Variants in PID1 observed in about 807,000 individuals in gnomAD.
PID1 encodes the protein phosphotyrosine interaction domain containing 1.
Under a neutral mutation model 19.1 loss-of-function variants are expected in PID1, and 10 were observed. The ratio of observed to expected loss-of-function variants is 0.52; its 90% CI spans 0.32 to 0.89. The LOEUF (loss-of-function observed/expected upper bound fraction) is 0.89, where lower values mean the gene tolerates loss of function less well. PID1 is among the 40% of genes least tolerant of loss of function. PID1 has a pLI of 0.03. For synonymous variants in PID1, 130 were observed against 116.0 expected (o/e 1.12, Z -0.78); for missense variants, 248 against 285.3 (o/e 0.87, Z 0.94).
chr2:229,244,197 A>T (rs902049567), intron 1 of PID1, among the ~76,000 whole-genome samples: 2 of 152,188 alleles, frequency 1.3e-5, no homozygotes, highest in Non-Finnish European at 2.9e-5. Flanking sequence ...TTTTAATGTG[A>T]CACAAGACAA....
chr2:229,038,665 A>G (rs552213095), intron 2 of PID1, among the ~76,000 whole-genome samples: 1 of 152,362 alleles, frequency 6.6e-6, no homozygotes, highest in Non-Finnish European at 1.5e-5. Flanking sequence ...TGTTACAGAA[A>G]ATAATTTTTG....
intron 2 of PID1, among the ~76,000 whole-genome samples, chr2:229,051,306 T>C (rs1050277361): frequency 6.6e-6 from 1 of 152,174 alleles, no homozygotes; most frequent in South Asian, 2.1e-4. Flanking sequence ...TCCTAAGATA[T>C]CTGATTGTTA....
At chr2:229,043,977 G>A (rs1693824992) in intron 2 of PID1, among the ~76,000 whole-genome samples, 1 of 152,096 alleles carries the variant, frequency 6.6e-6, no homozygotes, top group African/African-American at 2.4e-5. Flanking sequence ...AATTCTCTGG[G>A]CCCCTTCCAT....
chr2:229,219,666 TAGG>T (rs1184728921), intron 1 of PID1, among the ~76,000 whole-genome samples: 1 of 151,944 alleles, frequency 6.6e-6, no homozygotes, highest in African/African-American at 2.4e-5. Flanking sequence ...CCCAAGTAGC[TAGG>T]AGGACTACAG....
At chr2:229,157,954 C>CA (rs1690410572) in intron 1 of PID1, among the ~76,000 whole-genome samples, 2 of 145,718 alleles carry the variant, frequency 1.4e-5, no homozygotes, top group South Asian at 2.1e-4. Flanking sequence ...AGAAAGTGCA[C>CA]GTATCAAGAA....
chr2:229,062,234 C>A (rs990066023), intron 2 of PID1, among the ~76,000 whole-genome samples: 3 of 151,850 alleles, frequency 2.0e-5, no homozygotes, highest in Non-Finnish European at 4.4e-5. Flanking sequence ...CTTTTGTATA[C>A]GGACTTTATT....
intron 1 of PID1, among the ~76,000 whole-genome samples, chr2:229,194,840 T>C (rs2106234869): frequency 6.6e-6 from 1 of 152,100 alleles, no homozygotes; most frequent in Non-Finnish European, 1.5e-5. Context: ...TATATACATA[T>C]GCAAATGTAC....
chr2:229,103,475 G>C (rs1466313342), intron 2 of PID1, among the ~76,000 whole-genome samples: 1 of 151,840 alleles, frequency 6.6e-6, no homozygotes, highest in Admixed American at 6.6e-5. Context: ...ACTTCACTGT[G>C]TGCAAGAAAT....
rs528329710 is a variant in PID1, at chr2:229,035,919, G to T, written c.178-9811C>A. On this transcript the variant is annotated intron_variant, in intron 2 of 2. Transcript: ENST00000392055. Reference sequence around the variant, plus strand: ...CAGAGATGTGTTTGCATAGCCCAAGGATTTTAGATTATAATGCATCAATCA... The same window carrying T: ...CAGAGATGTGTTTGCATAGCCCAAGTATTTTAGATTATAATGCATCAATCA... Among the ~76,000 whole-genome samples the T allele has an allele frequency of 8.5e-5, 13 of 152,206 alleles. No homozygotes were observed. The East Asian group carries it at 1.7e-3, about 20-fold the overall frequency.
chr2:229,117,561 T>G (rs1475694935), intron 2 of PID1, among the ~76,000 whole-genome samples: 1 of 152,186 alleles, frequency 6.6e-6, no homozygotes, highest in Non-Finnish European at 1.5e-5. Flanking sequence ...AAGATAATTC[T>G]AATAATTTTC....
chr2:229,039,928 A>G (rs1397688682), intron 2 of PID1, among the ~76,000 whole-genome samples: 1 of 152,218 alleles, frequency 6.6e-6, no homozygotes, highest in Non-Finnish European at 1.5e-5. Flanking sequence ...ATGAAAATAC[A>G]TAATCACAGT....
chr2:229,186,653 T>C lies in PID1; in HGVS notation c.31-30689A>G, dbSNP rs140738620. Among the ~76,000 whole-genome samples, 317 of 152,260 alleles carry C rather than the reference T, an allele frequency of 2.1e-3. 2 individuals are homozygous for C. The highest frequency in any genetic ancestry group is 7.2e-3 in the African/African-American group (301 of 41,554). On this transcript the variant is annotated intron_variant, in intron 1 of 2. Transcript: ENST00000392055. Reference sequence around the variant, plus strand: ...ACCCTGGGCCCAAGCCACAACAACATGTTTTCCTCCTAGACCTCTGGGCCT... The same window carrying C: ...ACCCTGGGCCCAAGCCACAACAACACGTTTTCCTCCTAGACCTCTGGGCCT...
intron 1 of PID1, among the ~76,000 whole-genome samples, chr2:229,172,113 C>T (rs951100066): frequency 2.0e-5 from 3 of 152,140 alleles, no homozygotes; most frequent in Admixed American, 1.3e-4. Context: ...CTCCTTCCCG[C>T]CAGATCCTAG....
At chr2:229,029,318 C>CA (rs200650395) in intron 2 of PID1, among the ~76,000 whole-genome samples, 2,377 of 107,702 alleles carry the variant, frequency 0.022, 54 homozygotes, top group African/African-American at 0.063. Flanking sequence ...TTTTTGAAGC[C>CA]AAAAAAAAAA....
chr2:229,190,634 C>G (rs753390350), intron 1 of PID1, among the ~76,000 whole-genome samples: 10 of 152,248 alleles, frequency 6.6e-5, no homozygotes, highest in African/African-American at 9.6e-5. Context: ...TTTTATCGGT[C>G]TATCTACAGC....
chr2:229,164,796 A>T (rs1690565646), intron 1 of PID1, among the ~76,000 whole-genome samples: 1 of 152,164 alleles, frequency 6.6e-6, no homozygotes, highest in Non-Finnish European at 1.5e-5. Context: ...GGAGAAACAC[A>T]AGCAGGGTGC....
At chr2:229,225,375 T>C (rs965985073) in intron 1 of PID1, among the ~76,000 whole-genome samples, 2 of 152,100 alleles carry the variant, frequency 1.3e-5, no homozygotes, top group Admixed American at 6.5e-5. Flanking sequence ...CCATCCTCTA[T>C]GGATTGGATC....
At chr2:229,237,786 A>G (rs981045964) in intron 1 of PID1, among the ~76,000 whole-genome samples, 16 of 152,236 alleles carry the variant, frequency 1.1e-4, no homozygotes, top group Admixed American at 5.9e-4. Context: ...GAATTCTGAT[A>G]TCAGAATGAC....
At chr2:229,102,315 A>G (rs1056624156) in intron 2 of PID1, among the ~76,000 whole-genome samples, 1 of 152,086 alleles carries the variant, frequency 6.6e-6, no homozygotes, top group African/African-American at 2.4e-5. Flanking sequence ...CTCATCACAA[A>G]TAAAAAAAAA....
Sources: gnomAD v4.1 joint callset for allele counts (sites outside exome capture counted in the v4.1 genomes callset) on GRCh38, gnomAD v4.1.1 for gene constraint, MANE v1.5 for transcripts, NCBI Gene and HGNC (gene_info 2026-07-23, HGNC 2026-07-21) for gene names.